CNTN6: variants seen among roughly 807,000 people sequenced by gnomAD.
CNTN6 encodes contactin-6.
CNTN6 carries 137 observed loss-of-function variants against 122.8 expected under a neutral mutation model. The ratio of observed to expected loss-of-function variants is 1.12; its 90% CI spans 0.97 to 1.29. CNTN6 has a LOEUF of 1.29. Among genes scored for constraint, CNTN6 ranks in the 50% most tolerant of loss-of-function variants. The pLI is 0.00. For synonymous variants in CNTN6, 570 were observed against 426.0 expected (o/e 1.34, Z -4.16); for missense variants, 1,634 against 1,223.4 (o/e 1.34, Z -5.01).
intron 2 of CNTN6, among the ~76,000 whole-genome samples, 167 bp downstream of exon 2, chr3:1,148,230 C>T (rs892736039): frequency 6.6e-6 from 1 of 151,884 alleles, no homozygotes; most frequent in African/African-American, 2.4e-5. Flanking sequence ...AAGTTTAATC[C>T]TTAAAAATGT....
At chr3:1,194,670 ATTGT>A (rs1318619789) in intron 2 of CNTN6, among the ~76,000 whole-genome samples, 10 of 152,034 alleles carry the variant, frequency 6.6e-5, no homozygotes, top group Middle Eastern at 3.4e-3. Context: ...CTGCATTTGT[ATTGT>A]TTATCTGTAT....
intron 2 of CNTN6, among the ~76,000 whole-genome samples, chr3:1,195,318 G>A (rs1027211927): frequency 6.6e-6 from 1 of 152,086 alleles, no homozygotes; most frequent in Non-Finnish European, 1.5e-5. Flanking sequence ...CTTGGGACCT[G>A]TGAATAATAA....
intron 2 of CNTN6, among the ~76,000 whole-genome samples, chr3:1,153,910 T>C (rs1358514037): frequency 6.6e-6 from 1 of 152,206 alleles, no homozygotes; most frequent in Non-Finnish European, 1.5e-5. Context: ...AGAGTGTGAA[T>C]GAATATTGAG....
chr3:1,358,006 TTA>T (rs1234440422), intron 12 of CNTN6, among the ~76,000 whole-genome samples: 2 of 151,822 alleles, frequency 1.3e-5, no homozygotes, highest in African/African-American at 2.4e-5. Flanking sequence ...AGAACTTTTT[TTA>T]TGTCACTTAA....
In CNTN6 at chr3:1,172,563, T is replaced by A. The variant is rs190898750; in HGVS notation, c.55+24500T>A. Among the ~76,000 whole-genome samples the A allele has an allele frequency of 1.8e-3, 279 of 152,254 alleles. 1 individual carries two copies. The highest frequency in any genetic ancestry group is 6.6e-3 in the African/African-American group (273 of 41,536). ...TTGTTCCGCCCACTTTAGTGTACCA[T>A]TTCCCAAAAGCATCCAAGAATCCTT... is the stretch of plus-strand genomic sequence containing the variant. On this transcript the variant is annotated intron_variant, in intron 2 of 22. Coordinates refer to ENST00000446702, the MANE Select transcript of CNTN6 (RefSeq NM_001289080.2).
chr3:1,372,680 G>T (rs1171819928), intron 13 of CNTN6, among the ~76,000 whole-genome samples, 158 bp from the exon 14 acceptor site: 1 of 152,070 alleles, frequency 6.6e-6, no homozygotes, highest in African/African-American at 2.4e-5. Context: ...TAATAAGGGG[G>T]ATAATAAAAG....
chr3:1,212,878 C>A (rs1319223494), intron 2 of CNTN6, among the ~76,000 whole-genome samples: 1 of 151,920 alleles, frequency 6.6e-6, no homozygotes, highest in African/African-American at 2.4e-5. Context: ...TGAAACTAGA[C>A]TTTTTACTTA....
rs1169127167 is a variant in CNTN6 at position 1,098,789 on chromosome 3, C to CATATATATATATATATAT, written c.-83+5681_-83+5698dup. 3.5e-3 allele frequency among the ~76,000 whole-genome samples: 220 copies of CATATATATATATATATAT among 63,116 alleles called. 5 individuals carry two copies. The highest frequency in any genetic ancestry group is 5.2e-3 in the East Asian group (8 of 1,526). The allele number at this position is 63,116 out of a possible 152,430, so 41.4% of individuals were successfully genotyped here. ...ACACACACACACACACACACACACACATATATATATATATATATATATATA... is the reference window on the plus strand; with the variant it reads ...ACACACACACACACACACACACACACATATATATATATATATATATATATATATATATATATATATATA... On this transcript the variant is annotated intron_variant, in intron 1 of 22. Coordinates refer to ENST00000446702, the MANE Select transcript of CNTN6 (RefSeq NM_001289080.2).
chr3:1,099,192 C>G (rs2090719619), intron 1 of CNTN6, among the ~76,000 whole-genome samples: 1 of 152,172 alleles, frequency 6.6e-6, no homozygotes, highest in African/African-American at 2.4e-5. Context: ...TGGCTCACGC[C>G]TGTAATCCCA....
At chr3:1,252,916 C>T (rs1386500747) in intron 4 of CNTN6, among the ~76,000 whole-genome samples, 1 of 152,134 alleles carries the variant, frequency 6.6e-6, no homozygotes, top group African/African-American at 2.4e-5. Flanking sequence ...GTTCTCAGGG[C>T]ATTTCCTTAA....
intron 4 of CNTN6, among the ~76,000 whole-genome samples, chr3:1,271,455 T>G (rs1490429561): frequency 6.6e-6 from 1 of 152,198 alleles, no homozygotes; most frequent in Non-Finnish European, 1.5e-5. Flanking sequence ...GAGCTGCATA[T>G]GAATATATCA....
At chr3:1,386,776 C>T (rs986780103) in intron 20 of CNTN6, among the ~76,000 whole-genome samples, 3 of 152,080 alleles carry the variant, frequency 2.0e-5, no homozygotes, top group Non-Finnish European at 4.4e-5. Context: ...AAGACAAATT[C>T]AGTGCCACTT....
chr3:1,375,461 T>C (rs1709724163), intron 16 of CNTN6, among the ~76,000 whole-genome samples: 1 of 152,102 alleles, frequency 6.6e-6, no homozygotes, highest in African/African-American at 2.4e-5. Flanking sequence ...CAATATGGTT[T>C]TAGGCTTAAG....
chr3:1,292,096 G>A (rs1695426227), intron 5 of CNTN6, among the ~76,000 whole-genome samples: 1 of 151,978 alleles, frequency 6.6e-6, no homozygotes, highest in Non-Finnish European at 1.5e-5. Context: ...TAATGATAAA[G>A]AACTCACTAC....
chr3:1,348,577 TATAC>T (rs1335138217), intron 11 of CNTN6, among the ~76,000 whole-genome samples: 4 of 147,722 alleles, frequency 2.7e-5, no homozygotes, highest in East Asian at 3.9e-4. Context: ...CAAATAAAAT[TATAC>T]ATACATATAT....
intron 3 of CNTN6, among the ~76,000 whole-genome samples, chr3:1,222,952 C>T (rs2094228833): frequency 6.6e-6 from 1 of 152,066 alleles, no homozygotes; most frequent in African/African-American, 2.4e-5. Context: ...GTTTTTAATG[C>T]TTAAATGTCA....
rs1559993672 is a variant in CNTN6 at position 1,385,640 on chromosome 3, ATC to A, written c.2548_2549del (p.Ser850HisfsTer4). ...TATACTGGACAGATGACTCCAAAGA[ATC>A]CATGATAGGTAAAATTAGAGTCAGT... Reference protein sequence around the residue: ...VLYWTDDSKESMIGKIRVSGN... With the variant: ...VLYWTDDSKEXMIGKIRVSGN... On this transcript the variant is annotated frameshift_variant, in exon 20 of 23. Coordinates refer to ENST00000446702, the MANE Select transcript of CNTN6 (RefSeq NM_001289080.2). LOFTEE classifies it high-confidence loss of function. The A allele has an allele frequency of 6.2e-7, 1 of 1,614,020 alleles. No individual in the cohort carries two copies. The highest frequency in any genetic ancestry group is 8.5e-7 in the Non-Finnish European group (1 of 1,179,908).
intron 11 of CNTN6, among the ~76,000 whole-genome samples, chr3:1,332,326 C>T (rs767481331): frequency 3.3e-5 from 5 of 151,956 alleles, no homozygotes; most frequent in Non-Finnish European, 5.9e-5. Context: ...ATCTGATCGA[C>T]TGGCTTTATT....
At position 1,202,456 on chromosome 3, in the gene CNTN6, C is replaced by T. The variant is rs563196610; in HGVS notation, c.56-18231C>T. On this transcript the variant is annotated intron_variant, in intron 2 of 22. Transcript: ENST00000446702. Reference sequence around the variant, plus strand: ...TCGGGAGGCTGAGGCGGGAGAATGGCGGGAACCCCGGGGGGCGGAGCTTGC... The same window carrying T: ...TCGGGAGGCTGAGGCGGGAGAATGGTGGGAACCCCGGGGGGCGGAGCTTGC... 3.3e-5 allele frequency among the ~76,000 whole-genome samples: 5 copies of T among 149,332 alleles called. No homozygotes were observed. The East Asian group carries it at 5.8e-4, about 17-fold the overall frequency.
Sources: gnomAD v4.1 joint callset for allele counts (sites outside exome capture counted in the v4.1 genomes callset) on GRCh38, gnomAD v4.1.1 for gene constraint, MANE v1.5 for transcripts, NCBI Gene and HGNC (gene_info 2026-07-23, HGNC 2026-07-21) for gene names.